Variants in SLC44A5 observed in about 807,000 individuals in gnomAD.
SLC44A5 encodes the protein solute carrier family 44 member 5, also known as choline transporter-like protein 5.
Under a neutral mutation model 101.8 loss-of-function variants are expected in SLC44A5, and 57 were observed. The observed-to-expected ratio is 0.56, with a 90% confidence interval of 0.45 to 0.70. The LOEUF is 0.70. Ranked by LOEUF, SLC44A5 falls within the 30% of genes least tolerant of loss-of-function variation. SLC44A5 has a pLI of 0.00. For missense variants in SLC44A5, 737 were observed against 853.1 expected (o/e 0.86, Z 1.70); for synonymous variants, 281 against 290.9 (o/e 0.97, Z 0.35).
intron 3 of SLC44A5, among the ~76,000 whole-genome samples, chr1:75,359,882 C>T (rs1232479418): frequency 6.6e-6 from 1 of 152,136 alleles, no homozygotes; most frequent in African/African-American, 2.4e-5. Flanking sequence ...AGTGATACCT[C>T]ACTGTGATTT....
At chr1:75,441,106 A>C (rs377455637) in intron 2 of SLC44A5, among the ~76,000 whole-genome samples, 1 of 152,110 alleles carries the variant, frequency 6.6e-6, no homozygotes, top group African/African-American at 2.4e-5. Context: ...GAGGAGGAAT[A>C]AGATTTTAAA....
chr1:75,349,292 T>C (rs1216934362), intron 3 of SLC44A5, among the ~76,000 whole-genome samples: 1 of 152,128 alleles, frequency 6.6e-6, no homozygotes, highest in East Asian at 1.9e-4. Flanking sequence ...TAAGCTGAGA[T>C]TGTGCCACTG....
intron 2 of SLC44A5, among the ~76,000 whole-genome samples, chr1:75,511,821 T>TG (rs778604701): frequency 7.2e-5 from 11 of 152,144 alleles, no homozygotes; most frequent in African/African-American, 1.2e-4. Context: ...AAAAAGCAAA[T>TG]GATTTATTTC....
intron 2 of SLC44A5, among the ~76,000 whole-genome samples, chr1:75,503,250 C>A (rs1476119776): frequency 2.0e-5 from 3 of 152,074 alleles, no homozygotes; most frequent in Non-Finnish European, 4.4e-5. Flanking sequence ...GTCACTATCT[C>A]AGTACTTGAA....
intron 3 of SLC44A5, among the ~76,000 whole-genome samples, chr1:75,359,847 T>A (rs1382087928): frequency 6.6e-6 from 1 of 152,186 alleles, no homozygotes. Context: ...TCTTTCATAT[T>A]TTCAATAATA....
At chr1:75,697,802 G>A in the SLC44A5 span, among the ~76,000 whole-genome samples, 1 of 152,220 alleles carries the variant, frequency 6.6e-6, no homozygotes, top group Non-Finnish European at 1.5e-5. Context: ...CATGCACCGT[G>A]CGTGAGCTGA....
chr1:75,663,934 G>C, the SLC44A5 span, among the ~76,000 whole-genome samples: 4 of 152,098 alleles, frequency 2.6e-5, no homozygotes, highest in African/African-American at 9.7e-5. Flanking sequence ...ACTGAATCCA[G>C]TGGCATATCA....
chr1:75,680,349 C>G, the SLC44A5 span, among the ~76,000 whole-genome samples: 1 of 151,938 alleles, frequency 6.6e-6, no homozygotes, highest in Non-Finnish European at 1.5e-5. Flanking sequence ...CAAAATTGAC[C>G]ACATACTTGG....
At chr1:75,260,615 T>C in intron 6 of SLC44A5, among the ~76,000 whole-genome samples, 1 of 152,160 alleles carries the variant, frequency 6.6e-6, no homozygotes, top group African/African-American at 2.4e-5. Flanking sequence ...AACAGATCAA[T>C]GAGACAGAAT....
chr1:75,660,953 A>G, the SLC44A5 span, among the ~76,000 whole-genome samples: 1 of 152,156 alleles, frequency 6.6e-6, no homozygotes, highest in African/African-American at 2.4e-5. Context: ...TTATCAAAAT[A>G]CCAATGACAT....
At chr1:75,273,548 C>T (rs1446296787) in intron 6 of SLC44A5, among the ~76,000 whole-genome samples, 2 of 151,962 alleles carry the variant, frequency 1.3e-5, no homozygotes, top group East Asian at 3.9e-4. Context: ...TGAGGTAAGT[C>T]CCTTCTATTC....
chr1:75,596,087 T>C (rs1487033959), intron 1 of SLC44A5, among the ~76,000 whole-genome samples: 6 of 152,144 alleles, frequency 3.9e-5, no homozygotes, highest in African/African-American at 1.2e-4. Context: ...TCCCTGAATA[T>C]ATTAATAGCA....
intron 2 of SLC44A5, among the ~76,000 whole-genome samples, chr1:75,494,763 AT>A (rs1268663338): frequency 6.6e-6 from 1 of 152,122 alleles, no homozygotes; most frequent in Admixed American, 6.5e-5. Flanking sequence ...GCACACAGAA[AT>A]TTTCCACAGC....
At chr1:75,425,150 A>C (rs991636439) in intron 2 of SLC44A5, among the ~76,000 whole-genome samples, 1 of 152,232 alleles carries the variant, frequency 6.6e-6, no homozygotes, top group African/African-American at 2.4e-5. Flanking sequence ...TGTACTAACC[A>C]GGTAGAAGGT....
At chr1:75,502,798 A>T (rs909585237) in intron 2 of SLC44A5, among the ~76,000 whole-genome samples, 4 of 151,908 alleles carry the variant, frequency 2.6e-5, no homozygotes, top group African/African-American at 9.7e-5. Context: ...TATTACAAAA[A>T]TGGCTCAAAT....
chr1:75,219,721 A>T, intron 15 of SLC44A5, 79 bp downstream of exon 15: 1 of 922,474 alleles, frequency 1.1e-6, no homozygotes, highest in Non-Finnish European at 1.7e-6. Context: ...CCAGGGATAG[A>T]AAACACTGAA....
chr1:75,346,522 T>A (rs535469853), intron 3 of SLC44A5, among the ~76,000 whole-genome samples: 2 of 152,138 alleles, frequency 1.3e-5, no homozygotes, highest in Non-Finnish European at 2.9e-5. Context: ...GCATTTGAAA[T>A]GCACTTTTGA....
chr1:75,413,526 T>C (rs1446343817), intron 2 of SLC44A5, among the ~76,000 whole-genome samples: 1 of 152,228 alleles, frequency 6.6e-6, no homozygotes, highest in Non-Finnish European at 1.5e-5. Context: ...TTCTATTATC[T>C]GGGATCTCAT....
At chr1:75,586,881 C>G (rs1674034485) in intron 1 of SLC44A5, among the ~76,000 whole-genome samples, 1 of 148,228 alleles carries the variant, frequency 6.7e-6, no homozygotes, top group Non-Finnish European at 1.5e-5. Context: ...TTACTCCACT[C>G]AATTTGGAAT....
Sources: gnomAD v4.1 joint callset for allele counts (sites outside exome capture counted in the v4.1 genomes callset) on GRCh38, gnomAD v4.1.1 for gene constraint, MANE v1.5 for transcripts, NCBI Gene and HGNC (gene_info 2026-07-23, HGNC 2026-07-21) for gene names.